The following BLTP3B variants were observed in gnomAD, a reference collection of about 807,000 sequenced individuals.
The protein encoded by BLTP3B is bridge-like lipid transfer protein family member 3B.
At chr12:100,040,056 G>A in the BLTP3B span, among the ~76,000 whole-genome samples, 2 of 151,968 alleles carry the variant, frequency 1.3e-5, no homozygotes, top group African/African-American at 4.8e-5. Context: ...TATATTAAAG[G>A]TTTATTCGAT....
At chr12:100,127,789 G>A in the BLTP3B span, among the ~76,000 whole-genome samples, 1 of 151,994 alleles carries the variant, frequency 6.6e-6, no homozygotes, top group Admixed American at 6.6e-5. Flanking sequence ...TAGGTGGGGG[G>A]ACTGCTTGAG....
At chr12:100,046,635 T>A in the BLTP3B span, among the ~76,000 whole-genome samples, 1 of 151,662 alleles carries the variant, frequency 6.6e-6, no homozygotes, top group East Asian at 1.9e-4. Flanking sequence ...AAATGATGAG[T>A]TGATGGGTGC....
At chr12:100,088,224 G>A in the BLTP3B span, among the ~76,000 whole-genome samples, 2 of 152,128 alleles carry the variant, frequency 1.3e-5, no homozygotes, top group South Asian at 2.1e-4. Context: ...TGATTCTAAT[G>A]CTCACCAAAG....
the BLTP3B span, among the ~76,000 whole-genome samples, chr12:100,076,069 T>G: frequency 0.016 from 2,427 of 151,386 alleles, 67 homozygotes; most frequent in African/African-American, 0.053. Context: ...AATATAAAAA[T>G]GTAACAAACC....
At chr12:100,102,684 C>T in the BLTP3B span, 2 of 930,304 alleles carry the variant, frequency 2.1e-6, no homozygotes, top group African/African-American at 1.8e-5. Flanking sequence ...GAAATAGAGG[C>T]CATTTGAGGT....
At chr12:100,051,070 GATT>G in the BLTP3B span, 1 of 1,612,982 alleles carries the variant, frequency 6.2e-7, no homozygotes, top group Non-Finnish European at 8.5e-7. Context: ...TCTCTGAAAT[GATT>G]ATTACCAGGT....
At chr12:100,142,788 GC>G in the BLTP3B span, 1 of 1,173,554 alleles carries the variant, frequency 8.5e-7, no homozygotes, top group East Asian at 3.0e-5. Flanking sequence ...CAAGGCCACA[GC>G]CGCCGCCGAG....
At chr12:100,131,714 G>A in the BLTP3B span, among the ~76,000 whole-genome samples, 1 of 152,060 alleles carries the variant, frequency 6.6e-6, no homozygotes, top group African/African-American at 2.4e-5. Context: ...ATAACTACTC[G>A]ATTTTCACTT....
the BLTP3B span, chr12:100,037,785 T>G: frequency 6.5e-7 from 1 of 1,549,826 alleles, no homozygotes; most frequent in Non-Finnish European, 8.7e-7. Context: ...GGGGATAAGA[T>G]AATTTAATCA....
At chr12:100,141,430 C>G in the BLTP3B span, among the ~76,000 whole-genome samples, 12 of 134,250 alleles carry the variant, frequency 8.9e-5, no homozygotes, top group African/African-American at 3.1e-4. Flanking sequence ...TATATATGTA[C>G]ATATGTATAT....
the BLTP3B span, among the ~76,000 whole-genome samples, chr12:100,100,079 G>A: frequency 6.6e-6 from 1 of 151,892 alleles, no homozygotes; most frequent in Admixed American, 6.6e-5. Context: ...AAGGCAGGTG[G>A]ATCACTTTAG....
chr12:100,060,097 C>T, the BLTP3B span: 688 of 1,337,134 alleles, frequency 5.1e-4, 1 homozygote, highest in Non-Finnish European at 5.9e-4. Flanking sequence ...TCTAAATCTT[C>T]CCTGAGAACA....
At chr12:100,101,624 C>T in the BLTP3B span, among the ~76,000 whole-genome samples, 2 of 152,160 alleles carry the variant, frequency 1.3e-5, no homozygotes, top group African/African-American at 2.4e-5. Flanking sequence ...AAGCAGACAA[C>T]ATATTTTTAA....
chr12:100,060,551 G>C, the BLTP3B span, among the ~76,000 whole-genome samples: 1 of 152,110 alleles, frequency 6.6e-6, no homozygotes, highest in Non-Finnish European at 1.5e-5. Context: ...ATGCTAGCAG[G>C]TTCTCCTTGA....
chr12:100,109,855 T>C, the BLTP3B span, among the ~76,000 whole-genome samples: 1 of 152,260 alleles, frequency 6.6e-6, no homozygotes, highest in African/African-American at 2.4e-5. Context: ...TTGGCATACA[T>C]GCGTGACTAT....
the BLTP3B span, among the ~76,000 whole-genome samples, chr12:100,048,776 G>C: frequency 3.3e-5 from 3 of 92,220 alleles, no homozygotes; most frequent in African/African-American, 8.9e-5. Context: ...GAGTGAGTGT[G>C]TGTGTGTGTG....
the BLTP3B span, among the ~76,000 whole-genome samples, chr12:100,112,658 G>A: frequency 7.0e-6 from 1 of 143,548 alleles, no homozygotes; most frequent in Non-Finnish European, 1.5e-5. Flanking sequence ...AACATTTAAG[G>A]GCAAAACAAA....
chr12:100,127,696 C>T, the BLTP3B span, among the ~76,000 whole-genome samples: 1 of 152,124 alleles, frequency 6.6e-6, no homozygotes, highest in Non-Finnish European at 1.5e-5. Context: ...GAAGAGAATG[C>T]TGTAAAACCC....
At chr12:100,083,911 G>A in the BLTP3B span, among the ~76,000 whole-genome samples, 34 of 152,282 alleles carry the variant, frequency 2.2e-4, no homozygotes, top group South Asian at 8.3e-4. Context: ...GGCTTAGGCC[G>A]GGCGTGGTGG....
Sources: allele counts gnomAD v4.1 joint callset (sites outside exome capture counted in the v4.1 genomes callset), GRCh38; gene constraint gnomAD v4.1.1; transcripts MANE v1.5; gene names NCBI Gene and HGNC (gene_info 2026-07-23, HGNC 2026-07-21).